VPS13B: variants seen among roughly 807,000 people sequenced by gnomAD.
The protein encoded by VPS13B is vacuolar protein sorting 13 homolog B.
A neutral mutation model predicts 426.4 loss-of-function variants in VPS13B; 285 were observed. The observed-to-expected ratio is 0.67, with a 90% confidence interval of 0.61 to 0.74. The LOEUF is 0.74. Ranked by LOEUF, VPS13B falls within the 30% of genes least tolerant of loss-of-function variation. The pLI, the probability that VPS13B is intolerant of heterozygous loss-of-function variation, is 0.00. For synonymous variants in VPS13B, 1,676 were observed against 1,676.4 expected (o/e 1.00, Z 0.01); for missense variants, 4,537 against 4,782.6 (o/e 0.95, Z 1.51).
intron 22 of VPS13B, among the ~76,000 whole-genome samples, chr8:99,441,723 G>A (rs1817683666): frequency 6.6e-6 from 1 of 152,018 alleles, no homozygotes; most frequent in South Asian, 2.1e-4. Flanking sequence ...GGGGATAGGA[G>A]AACATTAAGA....
chr8:99,329,015 T>C (rs1225124762), intron 19 of VPS13B, among the ~76,000 whole-genome samples: 1 of 152,172 alleles, frequency 6.6e-6, no homozygotes, highest in Non-Finnish European at 1.5e-5. Flanking sequence ...CTACTGTGCT[T>C]ATTTTTTCAG....
intron 35 of VPS13B, among the ~76,000 whole-genome samples, chr8:99,667,798 A>G (rs1487550962): frequency 6.6e-6 from 1 of 152,230 alleles, no homozygotes; most frequent in Non-Finnish European, 1.5e-5. Context: ...AACAGGACAC[A>G]TTAAAACAGC....
intron 28 of VPS13B, among the ~76,000 whole-genome samples, chr8:99,508,784 GT>G (rs1821635878): frequency 2.0e-5 from 3 of 151,346 alleles, no homozygotes; most frequent in Non-Finnish European, 4.4e-5. Context: ...TTTACTTAGT[GT>G]TTTTTAACAT....
intron 3 of VPS13B, among the ~76,000 whole-genome samples, chr8:99,050,622 G>A (rs1843489624): frequency 6.6e-6 from 1 of 152,174 alleles, no homozygotes; most frequent in Non-Finnish European, 1.5e-5. Flanking sequence ...GACTTCTACA[G>A]TGGTTGAACT....
chr8:99,465,266 G>A (rs1226594221), intron 23 of VPS13B, among the ~76,000 whole-genome samples: 1 of 152,004 alleles, frequency 6.6e-6, no homozygotes, highest in African/African-American at 2.4e-5. Flanking sequence ...CAGTTAATGT[G>A]TTTTGTGAAT....
chr8:99,831,929 T>G (rs1815085585), intron 51 of VPS13B, among the ~76,000 whole-genome samples: 1 of 152,142 alleles, frequency 6.6e-6, no homozygotes, highest in African/African-American at 2.4e-5. Flanking sequence ...CCCAGCCTCT[T>G]TCTAAAAATA....
At chr8:99,110,964 C>A (rs936939701) in intron 5 of VPS13B, 134 bp from the exon 6 acceptor site, 2 of 608,436 alleles carry the variant, frequency 3.3e-6, no homozygotes, top group Admixed American at 3.4e-5. Context: ...TATGGTCTGG[C>A]ATTATGTATT....
chr8:99,819,304 C>A, intron 47 of VPS13B, 108 bp from the exon 48 acceptor site: 1 of 1,334,402 alleles, frequency 7.5e-7, no homozygotes, highest in Non-Finnish European at 1.0e-6. Context: ...CTCTATCTAC[C>A]AAAAAGGTGT....
At chr8:99,479,392 CCTT>C (rs902793231) in intron 24 of VPS13B, among the ~76,000 whole-genome samples, 3 of 152,120 alleles carry the variant, frequency 2.0e-5, no homozygotes, top group Admixed American at 2.0e-4. Flanking sequence ...TATTCAGACA[CCTT>C]CATACAGAAC....
chr8:99,813,637 T>C (rs1301175968), intron 44 of VPS13B, among the ~76,000 whole-genome samples: 1 of 152,224 alleles, frequency 6.6e-6, no homozygotes, highest in Non-Finnish European at 1.5e-5. Flanking sequence ...TTTAAAAGAT[T>C]ATGATGGCTA....
At chr8:99,162,295 T>A (rs1204328192) in intron 15 of VPS13B, among the ~76,000 whole-genome samples, 1 of 152,252 alleles carries the variant, frequency 6.6e-6, no homozygotes, top group Non-Finnish European at 1.5e-5. Flanking sequence ...AGTAGTACAG[T>A]AGAGGATTCG....
chr8:99,036,967 T>C (rs919827215), intron 2 of VPS13B, among the ~76,000 whole-genome samples: 6 of 152,152 alleles, frequency 3.9e-5, no homozygotes, highest in Admixed American at 1.3e-4. Flanking sequence ...TTTGGGAAGA[T>C]TCCTGACCCT....
chr8:99,834,544 T>TA lies in VPS13B; in HGVS notation c.9615-653_9615-652insA, dbSNP rs112511778. 4.9e-3 allele frequency among the ~76,000 whole-genome samples: 717 copies of TA among 146,046 alleles called. 8 individuals are homozygous for TA. Among genetic ancestry groups the TA allele is most frequent in the African/African-American group, 9.1e-3 (367 of 40,396 alleles). ...GAAGGTCAGCTCTTATTTTTATTTTTTATTTTTTTTGATACAGGGTCTTGC... is the reference window on the plus strand; with the variant it reads ...GAAGGTCAGCTCTTATTTTTATTTTTATATTTTTTTTGATACAGGGTCTTGC... On this transcript the variant is annotated intron_variant, in intron 52 of 61. Coordinates refer to ENST00000357162, the MANE Select transcript of VPS13B (RefSeq NM_152564.5).
intron 24 of VPS13B, among the ~76,000 whole-genome samples, chr8:99,481,372 C>T (rs1366953855): frequency 4.6e-5 from 7 of 152,162 alleles, no homozygotes; most frequent in Admixed American, 4.6e-4. Flanking sequence ...GCTGTGCTTA[C>T]ATTACTGTGG....
intron 19 of VPS13B, among the ~76,000 whole-genome samples, chr8:99,355,464 G>T (rs1466047036): frequency 1.3e-5 from 2 of 152,128 alleles, no homozygotes; most frequent in Non-Finnish European, 2.9e-5. Context: ...GGTGGCACAT[G>T]CCTGTAATCC....
At chr8:99,689,355 T>C (rs1314244072) in intron 35 of VPS13B, among the ~76,000 whole-genome samples, 1 of 152,230 alleles carries the variant, frequency 6.6e-6, no homozygotes. Flanking sequence ...CACAGCTCAC[T>C]GAACTATGAC....
intron 17 of VPS13B, among the ~76,000 whole-genome samples, chr8:99,193,888 T>G (rs1458111931): frequency 1.3e-5 from 2 of 152,166 alleles, no homozygotes; most frequent in Non-Finnish European, 2.9e-5. Context: ...AAATTTCAGA[T>G]TTTTTTCAGA....
intron 39 of VPS13B, among the ~76,000 whole-genome samples, chr8:99,744,798 C>T (rs1809983951): frequency 6.8e-6 from 1 of 146,734 alleles, no homozygotes; most frequent in Non-Finnish European, 1.5e-5. Context: ...GGAAGGGGAA[C>T]ATCACACACC....
chr8:99,586,756 G>C lies in VPS13B; in HGVS notation c.5220+9123G>C, dbSNP rs569616041. On this transcript the variant is annotated intron_variant, in intron 33 of 61. Coordinates refer to ENST00000357162, the MANE Select transcript of VPS13B (RefSeq NM_152564.5). ...TCAATATTGTGAAAGTGGCCATACT[G>C]TCCAAAGTAATTAATAGATTGAATG... is the stretch of plus-strand genomic sequence containing the variant. 1.6e-4 allele frequency among the ~76,000 whole-genome samples: 24 copies of C among 152,224 alleles called. 1 individual carries two copies. In the Middle Eastern group the frequency reaches 0.024, roughly 151 times the overall value.
Sources: allele counts gnomAD v4.1 joint callset (sites outside exome capture counted in the v4.1 genomes callset), GRCh38; gene constraint gnomAD v4.1.1; transcripts MANE v1.5; gene names NCBI Gene and HGNC (gene_info 2026-07-23, HGNC 2026-07-21).